IL7: variants seen among roughly 807,000 people sequenced by gnomAD.
IL7 encodes the protein interleukin-7.
Under a neutral mutation model 21.6 loss-of-function variants are expected in IL7, and 3 were observed. The ratio of observed to expected loss-of-function variants is 0.14; its 90% CI spans 0.06 to 0.36. IL7 has a LOEUF of 0.36. Ranked by LOEUF, IL7 falls within the 10% of genes least tolerant of loss-of-function variation. IL7 has a pLI of 1.00. For synonymous variants in IL7, 62 were observed against 68.1 expected (o/e 0.91, Z 0.44); for missense variants, 175 against 200.2 (o/e 0.87, Z 0.76).
intron 2 of IL7, among the ~76,000 whole-genome samples, chr8:78,779,856 C>T (rs1032091028): frequency 1.3e-5 from 2 of 152,172 alleles, no homozygotes; most frequent in Non-Finnish European, 2.9e-5. Context: ...AGCTCTAAAT[C>T]TGTCTGGTCG....
chr8:78,751,099 A>T (rs1264342053), intron 2 of IL7, among the ~76,000 whole-genome samples: 5 of 151,722 alleles, frequency 3.3e-5, no homozygotes, highest in Non-Finnish European at 7.4e-5. Flanking sequence ...TTCAAAAAAA[A>T]AAAAACTGAT....
intron 2 of IL7, among the ~76,000 whole-genome samples, chr8:78,776,495 C>T (rs1048297497): frequency 1.7e-4 from 26 of 152,082 alleles, no homozygotes; most frequent in African/African-American, 5.3e-4. Context: ...AAAGTGAATG[C>T]AAAATCATAT....
intron 2 of IL7, among the ~76,000 whole-genome samples, chr8:78,790,641 A>G (rs1187517107): frequency 6.6e-6 from 1 of 152,124 alleles, no homozygotes; most frequent in Non-Finnish European, 1.5e-5. Context: ...TACTTAGGTA[A>G]GTATACAAGG....
At chr8:78,736,358 A>G (rs1811596270) in intron 5 of IL7, 116 bp downstream of exon 5, 4 of 591,156 alleles carry the variant, frequency 6.8e-6, no homozygotes, top group Non-Finnish European at 1.1e-5. Flanking sequence ...TATCAATGTT[A>G]TAATAAATTA....
intron 2 of IL7, among the ~76,000 whole-genome samples, chr8:78,771,550 T>C (rs1385573383): frequency 6.6e-6 from 1 of 152,054 alleles, no homozygotes; most frequent in African/African-American, 2.4e-5. Context: ...TAATGCCACA[T>C]GGAGAAACGC....
chr8:78,743,648 G>T (rs1052675803), intron 2 of IL7, among the ~76,000 whole-genome samples: 1 of 152,046 alleles, frequency 6.6e-6, no homozygotes, highest in East Asian at 1.9e-4. Flanking sequence ...CTCTATACTG[G>T]CTATTTTGAA....
intron 2 of IL7, among the ~76,000 whole-genome samples, chr8:78,774,851 G>A (rs1813079672): frequency 1.3e-5 from 2 of 152,028 alleles, no homozygotes; most frequent in Non-Finnish European, 2.9e-5. Flanking sequence ...TAGAAAACTT[G>A]TGATTGTGAG....
At chr8:78,766,860 T>C (rs1200460425) in intron 2 of IL7, among the ~76,000 whole-genome samples, 1 of 152,078 alleles carries the variant, frequency 6.6e-6, no homozygotes, top group Non-Finnish European at 1.5e-5. Context: ...CTGAATAAAA[T>C]GGTATATGTA....
chr8:78,692,799 G>A (rs544175237), intron 3 of IL7, among the ~76,000 whole-genome samples: 116 of 152,106 alleles, frequency 7.6e-4, no homozygotes, highest in African/African-American at 2.7e-3. Flanking sequence ...TGTTACATAC[G>A]TGTACATATG....
At chr8:78,697,901 A>G (rs73249918) in intron 3 of IL7, among the ~76,000 whole-genome samples, 2,023 of 152,172 alleles carry the variant, frequency 0.013, 41 homozygotes, top group African/African-American at 0.047. Context: ...GATAATCTCT[A>G]TCTCCTGAAC....
At chr8:78,684,481 A>G (rs963732903) in intron 4 of IL7, among the ~76,000 whole-genome samples, 19 of 152,304 alleles carry the variant, frequency 1.2e-4, no homozygotes, top group African/African-American at 3.8e-4. Flanking sequence ...GAGTACCCCC[A>G]TAACAGGTGG....
At chr8:78,772,712 A>G (rs910714070) in intron 2 of IL7, among the ~76,000 whole-genome samples, 2 of 152,158 alleles carry the variant, frequency 1.3e-5, no homozygotes, top group African/African-American at 2.4e-5. Flanking sequence ...CTAAATGAAG[A>G]CCCCAAACAT....
chr8:78,762,160 G>C, intron 2 of IL7: 1 of 1,594,388 alleles, frequency 6.3e-7, no homozygotes, highest in South Asian at 1.1e-5. Context: ...TCAAATGACT[G>C]TTAAGATCAA....
chr8:78,776,522 T>C (rs1813144444), intron 2 of IL7, among the ~76,000 whole-genome samples: 1 of 152,118 alleles, frequency 6.6e-6, no homozygotes, highest in South Asian at 2.1e-4. Context: ...TGTTTGAATT[T>C]TGCTCTCATA....
chr8:78,725,375 G>T (rs1811322620), intron 3 of IL7, among the ~76,000 whole-genome samples: 1 of 828 alleles, frequency 1.2e-3, no homozygotes, highest in Admixed American at 0.011. Flanking sequence ...CTCCAAGTTT[G>T]GAGCTGTTCA....
intron 2 of IL7, among the ~76,000 whole-genome samples, chr8:78,787,250 T>C (rs966235077): frequency 1.3e-5 from 2 of 152,122 alleles, no homozygotes; most frequent in South Asian, 4.1e-4. Flanking sequence ...GGGTTTGTGA[T>C]TGGCATCTGA....
intron 2 of IL7, chr8:78,760,548 T>G (rs1812517240): frequency 6.5e-7 from 1 of 1,544,454 alleles, no homozygotes; most frequent in Non-Finnish European, 8.7e-7. Flanking sequence ...CTTCTATACA[T>G]GTCAGCATGG....
At chr8:78,750,105 T>C (rs1040024722) in intron 2 of IL7, among the ~76,000 whole-genome samples, 3 of 152,094 alleles carry the variant, frequency 2.0e-5, no homozygotes, top group African/African-American at 7.2e-5. Flanking sequence ...CAAGGGTGAC[T>C]ATTTTACCAG....
intron 4 of IL7, among the ~76,000 whole-genome samples, chr8:78,681,730 T>C (rs771854925): frequency 2.6e-5 from 4 of 152,156 alleles, no homozygotes; most frequent in Middle Eastern, 3.2e-3. Context: ...TTTGATTTTA[T>C]ATTTGTTCTG....
Sources: allele counts gnomAD v4.1 joint callset (sites outside exome capture counted in the v4.1 genomes callset), GRCh38; gene constraint gnomAD v4.1.1; transcripts MANE v1.5; gene names NCBI Gene and HGNC (gene_info 2026-07-23, HGNC 2026-07-21).